PPFIA2: variants seen among roughly 807,000 people sequenced by gnomAD.
PPFIA2 encodes PPFI scaffold protein A2.
PPFIA2 carries 46 observed loss-of-function variants against 175.5 expected under a neutral mutation model. That is an observed-to-expected ratio of 0.26 (90% CI 0.21 to 0.34). PPFIA2 has a LOEUF of 0.34. Ranked by LOEUF, PPFIA2 falls within the 10% of genes least tolerant of loss-of-function variation. PPFIA2 has a pLI of 1.00. For missense variants in PPFIA2, 1,179 were observed against 1,506.1 expected, an observed-to-expected ratio of 0.78 and a Z score of 3.60; for synonymous variants, 568 against 511.4, an observed-to-expected ratio of 1.11 and a Z score of -1.49.
chr12:81,731,608 T>G (rs1481825570), intron 3 of PPFIA2, among the ~76,000 whole-genome samples: 2 of 151,626 alleles, frequency 1.3e-5, no homozygotes, highest in African/African-American at 4.8e-5. Flanking sequence ...AAGGTTGAAA[T>G]AGTATTAAAA....
At chr12:81,324,700 A>T (rs1401631623) in intron 22 of PPFIA2, among the ~76,000 whole-genome samples, 2 of 152,004 alleles carry the variant, frequency 1.3e-5, no homozygotes, top group Non-Finnish European at 2.9e-5. Context: ...GTGATCAGTA[A>T]CTAAAGAATA....
chr12:81,640,781 A>G (rs2064858821), intron 4 of PPFIA2, among the ~76,000 whole-genome samples: 1 of 152,206 alleles, frequency 6.6e-6, no homozygotes, highest in African/African-American at 2.4e-5. Flanking sequence ...TTGAGCCCCT[A>G]GAACATTAAG....
intron 3 of PPFIA2, among the ~76,000 whole-genome samples, chr12:81,743,975 A>C (rs1036936002): frequency 2.6e-5 from 4 of 152,222 alleles, no homozygotes; most frequent in African/African-American, 7.2e-5. Context: ...TACATCTAAA[A>C]TGTTTGCCCT....
intron 3 of PPFIA2, among the ~76,000 whole-genome samples, chr12:81,692,403 T>A (rs2075364346): frequency 6.6e-6 from 1 of 152,112 alleles, no homozygotes; most frequent in Non-Finnish European, 1.5e-5. Flanking sequence ...TGAAATAATA[T>A]AAATTGTTTT....
chr12:81,533,396 C>A (rs1403054), intron 4 of PPFIA2, among the ~76,000 whole-genome samples: 2,669 of 151,386 alleles, frequency 0.018, 80 homozygotes, highest in African/African-American at 0.061. Context: ...CTTTCTTATC[C>A]TATTCTTTAG....
Position 81,550,155 on chromosome 12 carries a change from C to T in PPFIA2, c.304-92289G>A, listed in dbSNP as rs546431135. 8.7e-4 allele frequency among the ~76,000 whole-genome samples: 133 copies of T among 152,008 alleles called. 1 individual carries two copies. Among genetic ancestry groups the T allele is most frequent in the African/African-American group, 3.1e-3 (128 of 41,512 alleles). On this transcript the variant is annotated intron_variant, in intron 4 of 32. Coordinates refer to ENST00000549396, the MANE Select transcript of PPFIA2 (RefSeq NM_003625.5). ...CAAAAATCTCTGCCCTTTCGAAACT[C>T]TGTCTACCTGGGAAAATGTACAAAT...
chr12:81,517,379 T>C (rs1480105636), intron 4 of PPFIA2, among the ~76,000 whole-genome samples: 1 of 152,110 alleles, frequency 6.6e-6, no homozygotes, highest in Non-Finnish European at 1.5e-5. Context: ...TGAGGAAGGA[T>C]ATGTAGCTGT....
intron 4 of PPFIA2, among the ~76,000 whole-genome samples, chr12:81,478,908 A>C (rs113235915): frequency 2.1e-4 from 32 of 152,252 alleles, no homozygotes; most frequent in African/African-American, 7.5e-4. Context: ...TTCGGAGTGG[A>C]GAGTTCTGTG....
At chr12:81,366,576 C>T (rs1056051923) in intron 14 of PPFIA2, among the ~76,000 whole-genome samples, 1 of 151,680 alleles carries the variant, frequency 6.6e-6, no homozygotes, top group Non-Finnish European at 1.5e-5. Flanking sequence ...ACTAATTTGG[C>T]ATTTGGCATC....
chr12:81,262,355 T>C (rs1279264605), intron 31 of PPFIA2, among the ~76,000 whole-genome samples: 1 of 152,166 alleles, frequency 6.6e-6, no homozygotes, highest in African/African-American at 2.4e-5. Context: ...AGTGGATTTT[T>C]TTTCCTTTCC....
At chr12:81,755,438 T>C (rs1230848800) in intron 2 of PPFIA2, among the ~76,000 whole-genome samples, 1 of 152,188 alleles carries the variant, frequency 6.6e-6, no homozygotes, top group Non-Finnish European at 1.5e-5. Flanking sequence ...TGTTTGGTTT[T>C]ATAATGCAAG....
chr12:81,693,142 A>C (rs983332285), intron 3 of PPFIA2, among the ~76,000 whole-genome samples: 1 of 152,130 alleles, frequency 6.6e-6, no homozygotes, highest in Admixed American at 6.6e-5. Flanking sequence ...TAAATGAGGC[A>C]GTTTAAGTCT....
intron 3 of PPFIA2, among the ~76,000 whole-genome samples, chr12:81,706,637 C>G (rs185368076): frequency 0.011 from 1,698 of 152,142 alleles, 24 homozygotes; most frequent in Non-Finnish European, 0.017. Context: ...GTCAGTCTGC[C>G]CCTACCGGGG....
chr12:81,425,232 T>A (rs993838549), intron 7 of PPFIA2, among the ~76,000 whole-genome samples: 2 of 152,166 alleles, frequency 1.3e-5, no homozygotes, highest in African/African-American at 2.4e-5. Context: ...AGTAAGTGGT[T>A]GGAGCTTTCT....
At chr12:81,289,757 G>A (rs1160364417) in intron 24 of PPFIA2, among the ~76,000 whole-genome samples, 2 of 151,810 alleles carry the variant, frequency 1.3e-5, no homozygotes, top group South Asian at 2.1e-4. Context: ...AGTTTTAGGT[G>A]CTCCATCTAA....
intron 8 of PPFIA2, among the ~76,000 whole-genome samples, chr12:81,394,535 T>C (rs1272980406): frequency 6.6e-6 from 1 of 152,024 alleles, no homozygotes; most frequent in Non-Finnish European, 1.5e-5. Context: ...GCCATCATTC[T>C]CAGCAAACTA....
At chr12:81,542,294 G>T (rs1031782972) in intron 4 of PPFIA2, among the ~76,000 whole-genome samples, 6 of 152,204 alleles carry the variant, frequency 3.9e-5, no homozygotes, top group African/African-American at 1.2e-4. Context: ...AAAGAGGCAA[G>T]GACTATATTC....
intron 4 of PPFIA2, among the ~76,000 whole-genome samples, chr12:81,516,591 G>T (rs1189017527): frequency 1.3e-5 from 2 of 152,104 alleles, no homozygotes; most frequent in Non-Finnish European, 2.9e-5. Flanking sequence ...ACATACACAG[G>T]AAGACAATAT....
At chr12:81,576,983 A>G (rs1158890046) in intron 4 of PPFIA2, among the ~76,000 whole-genome samples, 1 of 151,830 alleles carries the variant, frequency 6.6e-6, no homozygotes, top group Non-Finnish European at 1.5e-5. Flanking sequence ...ACATACATAT[A>G]ATATTTCAAG....
Sources: allele counts gnomAD v4.1 joint callset (sites outside exome capture counted in the v4.1 genomes callset), GRCh38; gene constraint gnomAD v4.1.1; transcripts MANE v1.5; gene names NCBI Gene and HGNC (gene_info 2026-07-23, HGNC 2026-07-21).